DISP1: variants seen among roughly 807,000 people sequenced by gnomAD.
DISP1 encodes the protein protein dispatched homolog 1.
A neutral mutation model predicts 37.3 loss-of-function variants in DISP1; 30 were observed. That is an observed-to-expected ratio of 0.80 (90% CI 0.60 to 1.09). DISP1 has a LOEUF of 1.09. DISP1 is among the 50% of genes least tolerant of loss of function. DISP1 has a pLI of 0.00. For synonymous variants in DISP1, 634 were observed against 690.2 expected (o/e 0.92, Z 1.28); for missense variants, 1,598 against 1,879.5 (o/e 0.85, Z 2.77).
intron 3 of DISP1, among the ~76,000 whole-genome samples, chr1:222,958,798 T>C (rs1675812582): frequency 1.3e-5 from 2 of 152,136 alleles, no homozygotes; most frequent in South Asian, 2.1e-4. Flanking sequence ...GGTTTCAAAA[T>C]GGGAAAAGAT....
At chr1:222,993,467 T>G (rs1454534849) in intron 7 of DISP1, among the ~76,000 whole-genome samples, 1 of 152,212 alleles carries the variant, frequency 6.6e-6, no homozygotes, top group East Asian at 1.9e-4. Context: ...TTTTCCTGTC[T>G]TATTAGAACA....
intron 1 of DISP1, among the ~76,000 whole-genome samples, chr1:222,869,440 T>A (rs1470183402): frequency 6.6e-6 from 1 of 152,166 alleles, no homozygotes; most frequent in East Asian, 1.9e-4. Flanking sequence ...AATTTAGGTG[T>A]GTGTGTTATA....
intron 3 of DISP1, among the ~76,000 whole-genome samples, chr1:222,958,141 A>C (rs1358653447): frequency 6.6e-6 from 1 of 152,212 alleles, no homozygotes; most frequent in East Asian, 1.9e-4. Flanking sequence ...TTCTTTTGCC[A>C]AAAAGTTGTG....
rs745985730 is a variant in DISP1 at position 223,004,268 on chromosome 1, G to A, written c.2871G>A (p.Ser957=). 10 of 1,613,994 alleles carry A rather than the reference G, an allele frequency of 6.2e-6. No homozygotes were observed. Among genetic ancestry groups the A allele is most frequent in the East Asian group, 4.5e-5 (2 of 44,860 alleles). Residue 957 remains serine, a synonymous_variant, in exon 9 of 9, where the codon TCG becomes TCA. Transcript: ENST00000675850. This position sits in a 1 kb window ranked among gnomAD's most constrained non-coding sequence, Gnocchi z 4.9. ...VDSWISSELS[S]APEGLSNGWF... ...CGTGGATATCCAGTGAGCTGAGTTC[G>A]GCCCCTGAAGGCCTCAGCAATGGTT... is the stretch of plus-strand genomic sequence containing the variant.
chr1:222,919,436 C>G (rs1672690091), intron 1 of DISP1, among the ~76,000 whole-genome samples: 1 of 152,200 alleles, frequency 6.6e-6, no homozygotes, highest in Non-Finnish European at 1.5e-5. Flanking sequence ...TTATCTGCTC[C>G]TCCCTGCTCT....
chr1:222,913,682 G>A (rs1404322201), intron 1 of DISP1, among the ~76,000 whole-genome samples: 2 of 151,880 alleles, frequency 1.3e-5, no homozygotes, highest in Non-Finnish European at 2.9e-5. Context: ...CAAGATGGGA[G>A]GATCTCTTGA....
At chr1:222,883,782 G>A (rs1439829881) in intron 1 of DISP1, among the ~76,000 whole-genome samples, 2 of 152,200 alleles carry the variant, frequency 1.3e-5, no homozygotes, top group Non-Finnish European at 2.9e-5. Flanking sequence ...GGAAGTGTAC[G>A]CTGTGTAGTG....
At chr1:222,936,785 A>AATATATATG (rs1558339768) in intron 2 of DISP1, among the ~76,000 whole-genome samples, 2 of 67,040 alleles carry the variant, frequency 3.0e-5, no homozygotes, top group African/African-American at 5.5e-5. Flanking sequence ...TATCATATAT[A>AATATATATG]ATATATATAA....
chr1:222,919,645 C>T (rs1672702724), intron 1 of DISP1, among the ~76,000 whole-genome samples: 1 of 152,178 alleles, frequency 6.6e-6, no homozygotes, highest in Admixed American at 6.5e-5. Context: ...CATTTTATTT[C>T]ATATAAACAA....
At chr1:222,936,085 A>C (rs1673706180) in intron 2 of DISP1, among the ~76,000 whole-genome samples, 2 of 152,214 alleles carry the variant, frequency 1.3e-5, no homozygotes, top group Admixed American at 1.3e-4. Context: ...ATTATTTTTT[A>C]TTATTCATGT....
chr1:222,959,880 A>G (rs1675921642), intron 3 of DISP1, among the ~76,000 whole-genome samples: 1 of 152,032 alleles, frequency 6.6e-6, no homozygotes, highest in African/African-American at 2.4e-5. Flanking sequence ...ATCAAAAAAG[A>G]CAAGGACATT....
At chr1:222,937,011 T>TTA (rs1232778161) in intron 2 of DISP1, among the ~76,000 whole-genome samples, 3 of 111,528 alleles carry the variant, frequency 2.7e-5, no homozygotes, top group African/African-American at 3.5e-5. Context: ...ATATAGAATA[T>TTA]TATATATTAT....
intron 7 of DISP1, among the ~76,000 whole-genome samples, chr1:222,993,171 TC>T (rs1678827947): frequency 6.6e-6 from 1 of 152,046 alleles, no homozygotes; most frequent in Non-Finnish European, 1.5e-5. Context: ...TGGCCAAGAA[TC>T]CAGATTTGAA....
intron 1 of DISP1, among the ~76,000 whole-genome samples, chr1:222,849,138 T>C (rs1382782419): frequency 6.6e-6 from 1 of 152,180 alleles, no homozygotes; most frequent in Non-Finnish European, 1.5e-5. Context: ...TCTGAATGCT[T>C]CTTTCAGTTA....
intron 8 of DISP1, among the ~76,000 whole-genome samples, chr1:222,997,544 C>T (rs1456019809): frequency 6.6e-6 from 1 of 152,110 alleles, no homozygotes; most frequent in Non-Finnish European, 1.5e-5. Flanking sequence ...GAAAACATTA[C>T]AGTAAAAGCA....
chr1:222,923,967 G>C (rs1672946797), intron 1 of DISP1, among the ~76,000 whole-genome samples: 1 of 152,110 alleles, frequency 6.6e-6, no homozygotes, highest in Non-Finnish European at 1.5e-5. Flanking sequence ...AGACTCTAGA[G>C]CCACGAGGTC....
At chr1:222,996,976 C>T (rs1008420822) in intron 8 of DISP1, among the ~76,000 whole-genome samples, 10 of 151,688 alleles carry the variant, frequency 6.6e-5, no homozygotes, top group East Asian at 5.8e-4. Context: ...AGCAATAGTA[C>T]GCCATGGTGG....
chr1:222,931,137 T>A (rs1673367138), intron 2 of DISP1, among the ~76,000 whole-genome samples: 1 of 152,046 alleles, frequency 6.6e-6, no homozygotes, highest in Non-Finnish European at 1.5e-5. Flanking sequence ...AACAACACAC[T>A]ACCATCTAAA....
intron 3 of DISP1, among the ~76,000 whole-genome samples, chr1:222,960,742 G>A (rs1439848328): frequency 6.6e-6 from 1 of 151,422 alleles, no homozygotes; most frequent in Non-Finnish European, 1.5e-5. Context: ...TAAGAAAAGA[G>A]AGAAGAATCA....
Sources: gnomAD v4.1 joint callset for allele counts (sites outside exome capture counted in the v4.1 genomes callset) on GRCh38, gnomAD v4.1.1 for gene constraint, Gnocchi (gnomAD v3.1) non-coding constraint, MANE v1.5 for transcripts, NCBI Gene and HGNC (gene_info 2026-07-23, HGNC 2026-07-21) for gene names.